The following NUP54 variants were observed in gnomAD, a reference collection of about 807,000 sequenced individuals.
NUP54 encodes nucleoporin 54, also known as nucleoporin p54.
In NUP54, 27 loss-of-function variants were observed where a neutral mutation model predicts 66.4. The ratio of observed to expected loss-of-function variants is 0.41; its 90% CI spans 0.30 to 0.56. NUP54 has a LOEUF of 0.56. Among genes scored for constraint, NUP54 ranks in the 20% least tolerant of loss-of-function variants. The pLI, the probability that NUP54 is intolerant of heterozygous loss-of-function variation, is 0.34. For synonymous variants in NUP54, 206 were observed against 210.7 expected, an observed-to-expected ratio of 0.98 and a Z score of 0.19; for missense variants, 486 against 596.3, an observed-to-expected ratio of 0.82 and a Z score of 1.93.
In NUP54 at chr4:76,124,067, T is replaced by C. The variant is rs538978838; in HGVS notation, c.1164+582A>G. ...GCTTATCTTGATATTCCTTTTCTAATTTAACATGAGTACTAAGTTCCTTTA... is the reference window on the plus strand; with the variant it reads ...GCTTATCTTGATATTCCTTTTCTAACTTAACATGAGTACTAAGTTCCTTTA... On this transcript the variant is annotated intron_variant, in intron 9 of 11. Coordinates refer to ENST00000264883, the MANE Select transcript of NUP54 (RefSeq NM_017426.4). Among the ~76,000 whole-genome samples, 32 of 152,284 alleles carry C rather than the reference T, an allele frequency of 2.1e-4. No homozygotes were observed. In the South Asian group the frequency reaches 2.7e-3, roughly 13 times the overall value.
At chr4:76,118,262 C>A (rs755210372) in intron 9 of NUP54, 68 bp from the exon 10 acceptor site, 4 of 1,358,722 alleles carry the variant, frequency 2.9e-6, no homozygotes, top group Non-Finnish European at 4.2e-6. Flanking sequence ...AGTAGTAGTA[C>A]AATTAGTTAC....
In NUP54 at chr4:76,117,818, T is replaced by C. The variant is rs1362147754; in HGVS notation, c.1285-44A>G. The C allele has an allele frequency of 4.8e-6, 7 of 1,448,314 alleles. No homozygotes were observed. In the East Asian group the frequency reaches 1.1e-4, roughly 23 times the overall value. 89.7% of individuals were successfully genotyped at this position (1,448,314 alleles called of 1,614,324 possible). On this transcript the variant is annotated intron_variant, in intron 10 of 11. Coordinates refer to ENST00000264883, the MANE Select transcript of NUP54 (RefSeq NM_017426.4). ...TCAAATTACAACTGCCGACGAAGACTTGTAAAAGACAATGTTTTCTTCTGA... is the reference window on the plus strand; with the variant it reads ...TCAAATTACAACTGCCGACGAAGACCTGTAAAAGACAATGTTTTCTTCTGA...
chr4:76,128,317 A>G (rs1730630003), intron 8 of NUP54, among the ~76,000 whole-genome samples: 1 of 152,060 alleles, frequency 6.6e-6, no homozygotes, highest in South Asian at 2.1e-4. Context: ...TCTGGGAGAC[A>G]AAATCACCAC....
chr4:76,125,216 G>A (rs531511798), intron 8 of NUP54, among the ~76,000 whole-genome samples: 1 of 141,768 alleles, frequency 7.1e-6, no homozygotes, highest in Non-Finnish European at 1.6e-5. Flanking sequence ...ACTTAAACCT[G>A]GGGGATGGAG....
chr4:76,130,336 T>C (rs1730748107), intron 8 of NUP54, among the ~76,000 whole-genome samples: 1 of 152,130 alleles, frequency 6.6e-6, no homozygotes, highest in African/African-American at 2.4e-5. Flanking sequence ...TATGTCAACA[T>C]AAAATAATCA....
chr4:76,134,767 T>C (rs1730961078), intron 4 of NUP54, among the ~76,000 whole-genome samples: 1 of 152,118 alleles, frequency 6.6e-6, no homozygotes, highest in Admixed American at 6.5e-5. Flanking sequence ...TTTTATAGGG[T>C]GTGAAAGCAA....
Position 76,118,078 on chromosome 4 carries a change from G to A in NUP54, c.1281C>T (p.Phe427=). Residue 427 remains phenylalanine (F), a synonymous_variant, in exon 10 of 12, where the codon TTC becomes TTT. Transcript: ENST00000264883. ...IQGELNAPTQ[F]KGRLNELMSQ... is the part of the protein sequence containing the mutation. Reference sequence around the variant, plus strand: ...TTATGGTCTTAGAAGTGGTTACCTTGAACTGAGTAGGTGCATTTAGTTCAC... The same window carrying A: ...TTATGGTCTTAGAAGTGGTTACCTTAAACTGAGTAGGTGCATTTAGTTCAC... The A allele has an allele frequency of 1.2e-6, 2 of 1,613,958 alleles. No individual in the cohort carries two copies. Among genetic ancestry groups the A allele is most frequent in the Non-Finnish European group, 1.7e-6 (2 of 1,179,922 alleles).
intron 3 of NUP54, among the ~76,000 whole-genome samples, chr4:76,136,900 T>C (rs891193199): frequency 6.6e-6 from 1 of 152,192 alleles, no homozygotes; most frequent in Non-Finnish European, 1.5e-5. Flanking sequence ...AAAATTTTAT[T>C]GTCTTAAGCC....
intron 3 of NUP54, among the ~76,000 whole-genome samples, chr4:76,138,125 A>G (rs1292390030): frequency 6.6e-6 from 1 of 152,210 alleles, no homozygotes; most frequent in African/African-American, 2.4e-5. Flanking sequence ...TACTCTCCAG[A>G]AAAGTATTAA....
chr4:76,140,968 G>A (rs979346907), intron 3 of NUP54, among the ~76,000 whole-genome samples: 6 of 152,232 alleles, frequency 3.9e-5, no homozygotes, highest in African/African-American at 1.4e-4. Context: ...TAACAGAGCA[G>A]AAAGTATCAG....
chr4:76,120,056 A>T (rs1054550097), intron 9 of NUP54, among the ~76,000 whole-genome samples: 1 of 152,154 alleles, frequency 6.6e-6, no homozygotes, highest in Admixed American at 6.5e-5. Flanking sequence ...GTTATTAACC[A>T]ATAATCAATA....
At chr4:76,133,144 C>T (rs11730695) in intron 5 of NUP54, among the ~76,000 whole-genome samples, 19,868 of 151,532 alleles carry the variant, frequency 0.13, 1,501 homozygotes, top group East Asian at 0.34. Flanking sequence ...GCAATCCTCC[C>T]ACCTTGACCT....
At chr4:76,130,245 A>G (rs953305411) in intron 8 of NUP54, among the ~76,000 whole-genome samples, 1 of 152,074 alleles carries the variant, frequency 6.6e-6, no homozygotes, top group African/African-American at 2.4e-5. Context: ...GTCTCCTAAA[A>G]AAGTCTACTT....
At chr4:76,143,149 AAAC>A (rs1252153965) in intron 3 of NUP54, among the ~76,000 whole-genome samples, 3 of 152,184 alleles carry the variant, frequency 2.0e-5, no homozygotes, top group Admixed American at 6.5e-5. Flanking sequence ...ACAAACAACA[AAAC>A]AACAAAATAT....
chr4:76,115,749 A>G (rs1729924226), intron 11 of NUP54, among the ~76,000 whole-genome samples: 1 of 152,214 alleles, frequency 6.6e-6, no homozygotes, highest in African/African-American at 2.4e-5. Flanking sequence ...TTTTTTAGAT[A>G]GCTATTCCTT....
chr4:76,130,584 C>T, intron 8 of NUP54, 72 bp downstream of exon 8: 2 of 1,005,006 alleles, frequency 2.0e-6, no homozygotes, highest in Admixed American at 1.8e-5. Context: ...AGCACATATA[C>T]TAAAAAGAAT....
chr4:76,125,974 C>T (rs1240663343), intron 8 of NUP54, among the ~76,000 whole-genome samples: 1 of 151,994 alleles, frequency 6.6e-6, no homozygotes, highest in Non-Finnish European at 1.5e-5. Flanking sequence ...ATACAGCCAA[C>T]AACCAGGTCT....
At chr4:76,124,589 AG>A in intron 9 of NUP54, 59 bp downstream of exon 9, 1 of 624,426 alleles carries the variant, frequency 1.6e-6, no homozygotes, top group Non-Finnish European at 2.8e-6. Flanking sequence ...ATCTATATTT[AG>A]TACATTATTT....
rs533201095 is a variant in NUP54, at chr4:76,137,550, CATT to C, written c.296-1141_296-1139del. ...GCTTACTAAACATTTTCCTTTCTCT[CATT>C]ATTAAAAAATATATATAGTAATAAC... On this transcript the variant is annotated intron_variant, in intron 3 of 11. Transcript: ENST00000264883. Among the ~76,000 whole-genome samples, 1,085 of 152,248 alleles carry C rather than the reference CATT, an allele frequency of 7.1e-3. 9 individuals carry two copies. Among genetic ancestry groups the C allele is most frequent in the African/African-American group, 0.025 (1,041 of 41,534 alleles).
Sources: allele counts gnomAD v4.1 joint callset (sites outside exome capture counted in the v4.1 genomes callset), GRCh38; gene constraint gnomAD v4.1.1; transcripts MANE v1.5; gene names NCBI Gene and HGNC (gene_info 2026-07-23, HGNC 2026-07-21).